FGF5: variants seen among roughly 807,000 people sequenced by gnomAD.
FGF5 encodes the protein fibroblast growth factor 5, also known as heparin-binding growth factor 5.
A neutral mutation model predicts 21.8 loss-of-function variants in FGF5; 23 were observed. The observed-to-expected ratio is 1.05, with a 90% CI of 0.76 to 1.49. The LOEUF (loss-of-function observed/expected upper bound fraction) is 1.49, where lower values mean the gene tolerates loss of function less well. FGF5 is among the 40% of genes most tolerant of loss of function. FGF5 has a pLI of 0.00. For synonymous variants in FGF5, 158 were observed against 124.0 expected, an observed-to-expected ratio of 1.27 and a Z score of -1.82; for missense variants, 352 against 332.9, an observed-to-expected ratio of 1.06 and a Z score of -0.45.
chr4:80,278,226 A>T (rs1161921619), intron 2 of FGF5, among the ~76,000 whole-genome samples: 1 of 152,226 alleles, frequency 6.6e-6, no homozygotes, highest in East Asian at 1.9e-4. Flanking sequence ...ATACAAATGA[A>T]TACTGTGGCA....
At chr4:80,268,374 G>A (rs930046946) in intron 1 of FGF5, 1 of 523,586 alleles carries the variant, frequency 1.9e-6, no homozygotes, top group Non-Finnish European at 2.5e-6. Context: ...GGAGACAGCA[G>A]CGCTCACAGT....
At chr4:80,273,829 G>A (rs1392875282) in intron 1 of FGF5, among the ~76,000 whole-genome samples, 2 of 152,058 alleles carry the variant, frequency 1.3e-5, no homozygotes, top group East Asian at 3.9e-4. Flanking sequence ...ACAGGCGTGA[G>A]CTACTGCACC....
At chr4:80,271,900 G>T (rs984329559) in intron 1 of FGF5, among the ~76,000 whole-genome samples, 6 of 152,126 alleles carry the variant, frequency 3.9e-5, no homozygotes, top group Admixed American at 3.3e-4. Flanking sequence ...AAAAAATTAC[G>T]TAGAATTCCT....
chr4:80,282,338 G>C (rs1465379473), intron 2 of FGF5, among the ~76,000 whole-genome samples: 3 of 151,848 alleles, frequency 2.0e-5, no homozygotes, highest in African/African-American at 4.8e-5. Context: ...AAAATAGTTC[G>C]ATTTGTTTAA....
Position 80,286,487 on chromosome 4 carries a change from C to A in FGF5, c.622C>A (p.Pro208Thr), listed in dbSNP as rs763306755. 4.3e-6 allele frequency: 7 copies of A among 1,613,908 alleles called. No homozygotes were observed. Among genetic ancestry groups the A allele is most frequent in the Admixed American group, 3.3e-5 (2 of 59,950 alleles). The change falls in exon 3 of 3, where the codon CCC becomes ACC. Residue 208 changes from proline to threonine, a missense_variant. By Grantham distance (38) the Pro-to-Thr change is conservative. Transcript: ENST00000312465. The part of the protein sequence containing the change: ...AKRGCSPRVK[P>T]QHISTHFLPR... ...ACGAGGGTGCAGCCCCCGGGTTAAA[C>A]CCCAGCATATCTCTACCCATTTTCT...
chr4:80,281,488 G>A (rs1052645336), intron 2 of FGF5, among the ~76,000 whole-genome samples: 4 of 152,032 alleles, frequency 2.6e-5, no homozygotes, highest in Admixed American at 2.6e-4. Flanking sequence ...GGTTTTTCAG[G>A]AGAAAGGGGC....
chr4:80,277,197 T>C (rs1720437343), intron 2 of FGF5, among the ~76,000 whole-genome samples: 2 of 152,206 alleles, frequency 1.3e-5, no homozygotes, highest in Non-Finnish European at 2.9e-5. Context: ...AAACAGCATC[T>C]GTTATTCTTT....
intron 1 of FGF5, among the ~76,000 whole-genome samples, chr4:80,270,365 CTT>C (rs567528190): frequency 6.9e-5 from 10 of 144,016 alleles, no homozygotes; most frequent in Non-Finnish European, 4.6e-5. Context: ...TGACAGTAAA[CTT>C]TTTTTTTTTT....
chr4:80,270,915 C>T (rs1292233857), intron 1 of FGF5, among the ~76,000 whole-genome samples: 1 of 152,172 alleles, frequency 6.6e-6, no homozygotes, highest in Non-Finnish European at 1.5e-5. Context: ...CTAGATAAAT[C>T]AGAATCTATA....
At chr4:80,279,630 T>C (rs780346521) in intron 2 of FGF5, among the ~76,000 whole-genome samples, 2 of 152,216 alleles carry the variant, frequency 1.3e-5, no homozygotes, top group Non-Finnish European at 2.9e-5. Context: ...CCTATGGTTA[T>C]AATCTTGTGA....
At chr4:80,272,167 TA>T (rs1720288223) in intron 1 of FGF5, among the ~76,000 whole-genome samples, 1 of 152,214 alleles carries the variant, frequency 6.6e-6, no homozygotes, top group South Asian at 2.1e-4. Context: ...TCTCATCTCT[TA>T]CATCTCCTGC....
At chr4:80,267,419 G>A (rs1292542959) in intron 1 of FGF5, among the ~76,000 whole-genome samples, 1 of 152,188 alleles carries the variant, frequency 6.6e-6, no homozygotes, top group Non-Finnish European at 1.5e-5. Flanking sequence ...CCTAGAGGCT[G>A]GTGCCCAGAC....
At chr4:80,279,161 A>G (rs1218672555) in intron 2 of FGF5, among the ~76,000 whole-genome samples, 1 of 152,192 alleles carries the variant, frequency 6.6e-6, no homozygotes, top group Admixed American at 6.5e-5. Context: ...AGACACAGTT[A>G]GATTGCCCCA....
Position 80,288,306 on chromosome 4 carries a change from A to G in FGF5, c.*1634A>G, listed in dbSNP as rs1273617050. The stretch of plus-strand genomic sequence containing the variant: ...AGCAGATTGCTTTAATTTGATGGGA[A>G]AATAGTACACACATATATATAACAA... On this transcript the variant is annotated 3_prime_UTR_variant, in exon 3 of 3. Transcript: ENST00000312465. 2 of 152,180 alleles carry G rather than the reference A, an allele frequency of 1.3e-5. No homozygotes were observed. Among genetic ancestry groups the G allele is most frequent in the African/African-American group, 4.8e-5 (2 of 41,462 alleles). The allele number at this position is 152,180 out of a possible 1,614,324, so 9.4% of individuals were successfully genotyped here.
chr4:80,273,405 A>G (rs1003766305), intron 1 of FGF5, among the ~76,000 whole-genome samples: 1 of 152,190 alleles, frequency 6.6e-6, no homozygotes, highest in Non-Finnish European at 1.5e-5. Flanking sequence ...GAATAAATAA[A>G]CAGCAGTGCT....
rs1720872839 is a variant in FGF5 at position 80,290,546 on chromosome 4, T to G, written c.*3874T>G. The G allele has an allele frequency of 6.6e-6, 1 of 152,030 alleles. No individual in the cohort carries two copies. The highest frequency in any genetic ancestry group is 2.1e-4 in the South Asian group (1 of 4,828). The allele number at this position is 152,030 out of a possible 1,614,324, so 9.4% of individuals were successfully genotyped here. A position where few individuals can be genotyped will look rare whatever the true frequency, so the allele number is the denominator to read the frequency against. On this transcript the variant is annotated 3_prime_UTR_variant, in exon 3 of 3. Transcript: ENST00000312465. ...TCTAAGAATTTTTTTTTAAATTTTA[T>G]TATTATTATACTTCAAGTTCTAGGG...
Position 80,286,399 on chromosome 4 carries a change from A to G in FGF5, c.534A>G (p.Ile178Met). The G allele has an allele frequency of 6.2e-7, 1 of 1,614,042 alleles. No homozygotes were observed. The stretch of plus-strand genomic sequence containing the variant: ...GCTATAATACCTATGCCTCAGCAAT[A>G]CATAGAACTGAAAAAACAGGGCGGG... ...ENSYNTYASA[I>M]HRTEKTGREW... The change falls in exon 3 of 3, where the codon ATA becomes ATG. Residue 178 changes from isoleucine (I) to methionine (M), a missense_variant. Ile to Met is a conservative substitution (Grantham distance 10, BLOSUM62 1). Transcript: ENST00000312465.
chr4:80,285,754 T>G (rs1237136643), intron 2 of FGF5, among the ~76,000 whole-genome samples: 1 of 152,178 alleles, frequency 6.6e-6, no homozygotes, highest in Non-Finnish European at 1.5e-5. Flanking sequence ...TAAAGATACG[T>G]TATTTTTTTC....
At chr4:80,279,164 T>C in intron 2 of FGF5, among the ~76,000 whole-genome samples, 1 of 152,182 alleles carries the variant, frequency 6.6e-6, no homozygotes, top group East Asian at 1.9e-4. Flanking sequence ...CACAGTTAGA[T>C]TGCCCCAGGC....
Sources: gnomAD v4.1 joint callset for allele counts (sites outside exome capture counted in the v4.1 genomes callset) on GRCh38, gnomAD v4.1.1 for gene constraint, MANE v1.5 for transcripts, NCBI Gene and HGNC (gene_info 2026-07-23, HGNC 2026-07-21) for gene names.